TMEM117: variants seen among roughly 807,000 people sequenced by gnomAD.
The protein encoded by TMEM117 is transmembrane protein 117.
A neutral mutation model predicts 52.4 loss-of-function variants in TMEM117; 27 were observed. The observed-to-expected ratio is 0.51, with a 90% CI of 0.38 to 0.71. The LOEUF (loss-of-function observed/expected upper bound fraction) is 0.71, where lower values mean the gene tolerates loss of function less well. Ranked by LOEUF, TMEM117 falls within the 30% of genes least tolerant of loss-of-function variation. The probability of loss-of-function intolerance (pLI) is 0.00; values close to 1 mark genes in which losing one functional copy is unlikely to be tolerated. For missense variants in TMEM117, 556 were observed against 630.5 expected, an observed-to-expected ratio of 0.88 and a Z score of 1.26; for synonymous variants, 215 against 206.3, an observed-to-expected ratio of 1.04 and a Z score of -0.36.
chr12:44,288,655 A>T (rs1056648045), intron 5 of TMEM117, among the ~76,000 whole-genome samples: 1 of 152,184 alleles, frequency 6.6e-6, no homozygotes, highest in Non-Finnish European at 1.5e-5. Flanking sequence ...AAAAGTTTTA[A>T]TTACTAATTT....
chr12:43,801,759 G>A, the TMEM117 span, among the ~76,000 whole-genome samples: 1 of 152,218 alleles, frequency 6.6e-6, no homozygotes, highest in Non-Finnish European at 1.5e-5. Flanking sequence ...GTTGGACACA[G>A]TGGCTCATAC....
chr12:44,086,819 A>G (rs2138030016), intron 3 of TMEM117, among the ~76,000 whole-genome samples: 1 of 152,066 alleles, frequency 6.6e-6, no homozygotes, highest in Middle Eastern at 3.4e-3. Context: ...AACAATACTT[A>G]TGGCTTATAT....
intron 4 of TMEM117, among the ~76,000 whole-genome samples, chr12:44,201,883 T>C (rs564403443): frequency 2.0e-5 from 3 of 152,246 alleles, no homozygotes; most frequent in East Asian, 3.9e-4. Flanking sequence ...ACATAAAAAT[T>C]AAATATAGTG....
chr12:43,909,763 C>T lies in TMEM117; in HGVS notation c.278-34447C>T, dbSNP rs1393949421. On this transcript the variant is annotated intron_variant, in intron 2 of 7. Transcript: ENST00000266534. ...ATCTAGAAGAAATGGATAAATTCCT[C>T]GACACATACACTCTCCCAAGACTAA... Among the ~76,000 whole-genome samples, 6 of 145,820 alleles carry T rather than the reference C, an allele frequency of 4.1e-5. No individual in the cohort carries two copies. In the South Asian group the frequency reaches 6.9e-4, roughly 17 times the overall value.
intron 5 of TMEM117, among the ~76,000 whole-genome samples, chr12:44,264,685 CA>C (rs575334856): frequency 2.6e-5 from 4 of 151,948 alleles, no homozygotes; most frequent in Non-Finnish European, 5.9e-5. Flanking sequence ...TCTGAAAAAA[CA>C]GATGCTTTTT....
At chr12:44,216,244 G>C (rs574398606) in intron 5 of TMEM117, among the ~76,000 whole-genome samples, 2 of 151,878 alleles carry the variant, frequency 1.3e-5, no homozygotes, top group Non-Finnish European at 2.9e-5. Context: ...CTGACCTCGC[G>C]ATCTGCCCGC....
At chr12:43,922,279 TGG>T (rs1944707954) in intron 2 of TMEM117, among the ~76,000 whole-genome samples, 5 of 152,114 alleles carry the variant, frequency 3.3e-5, no homozygotes, top group African/African-American at 1.2e-4. Flanking sequence ...CATTAGAAAT[TGG>T]AGCAGTAATT....
intron 3 of TMEM117, among the ~76,000 whole-genome samples, chr12:44,003,168 C>T (rs187474269): frequency 6.6e-6 from 1 of 152,238 alleles, no homozygotes; most frequent in Non-Finnish European, 1.5e-5. Flanking sequence ...ATGGAAGTGG[C>T]AAAGTGGCAG....
At chr12:43,939,220 G>T (rs1945005124) in intron 2 of TMEM117, among the ~76,000 whole-genome samples, 1 of 152,056 alleles carries the variant, frequency 6.6e-6, no homozygotes. Flanking sequence ...TTAAGTAGCT[G>T]CAGATTCTAT....
chr12:43,813,343 A>G, the TMEM117 span, among the ~76,000 whole-genome samples: 6 of 143,804 alleles, frequency 4.2e-5, no homozygotes, highest in East Asian at 1.2e-3. Context: ...TCCCCAGTTC[A>G]AGCGATTCTC....
chr12:43,914,135 C>T (rs1944560852), intron 2 of TMEM117, among the ~76,000 whole-genome samples: 2 of 152,100 alleles, frequency 1.3e-5, no homozygotes, highest in Admixed American at 1.3e-4. Context: ...ATGCTATAAC[C>T]CCATGTATAC....
chr12:44,148,468 T>A (rs1265191083), intron 4 of TMEM117, among the ~76,000 whole-genome samples: 1 of 152,208 alleles, frequency 6.6e-6, no homozygotes, highest in East Asian at 1.9e-4. Context: ...AAAAAAGGTA[T>A]TTTTTAGAAA....
chr12:44,249,209 C>T (rs995477810), intron 5 of TMEM117, among the ~76,000 whole-genome samples: 6 of 151,508 alleles, frequency 4.0e-5, no homozygotes, highest in Non-Finnish European at 8.8e-5. Context: ...TGTGTGTTTC[C>T]AGGGGTTTGT....
At chr12:43,808,812 G>GAAAA in the TMEM117 span, among the ~76,000 whole-genome samples, 5 of 80,778 alleles carry the variant, frequency 6.2e-5, no homozygotes, top group African/African-American at 9.0e-5. Context: ...TCAAAGGGGA[G>GAAAA]AAAAAAAAAA....
At chr12:43,998,918 A>G (rs1431482692) in intron 3 of TMEM117, among the ~76,000 whole-genome samples, 3 of 152,222 alleles carry the variant, frequency 2.0e-5, no homozygotes, top group African/African-American at 7.2e-5. Flanking sequence ...ACAAGAGAAT[A>G]TTCAAATACC....
At chr12:43,831,909 C>A (rs1485960991), upstream of TMEM117, among the ~76,000 whole-genome samples, 1 of 152,132 alleles carries the variant, frequency 6.6e-6, no homozygotes, top group Non-Finnish European at 1.5e-5. Context: ...AAACAACACA[C>A]ATTTTAAGCC....
chr12:44,148,718 T>A (rs567891985), intron 4 of TMEM117, among the ~76,000 whole-genome samples: 3 of 151,926 alleles, frequency 2.0e-5, no homozygotes, highest in Non-Finnish European at 4.4e-5. Context: ...TTGAGGGGAG[T>A]TACAATGTCA....
At chr12:44,106,052 C>T (rs968833659) in intron 3 of TMEM117, among the ~76,000 whole-genome samples, 1 of 151,974 alleles carries the variant, frequency 6.6e-6, no homozygotes, top group Non-Finnish European at 1.5e-5. Flanking sequence ...GTTTTTCTGT[C>T]CTGGCACTGG....
At chr12:44,243,137 T>C in intron 5 of TMEM117, among the ~76,000 whole-genome samples, 1 of 152,018 alleles carries the variant, frequency 6.6e-6, no homozygotes, top group Admixed American at 6.6e-5. Flanking sequence ...TTAAGTTCCT[T>C]ATAGATGCTA....
Sources: gnomAD v4.1 joint callset for allele counts (sites outside exome capture counted in the v4.1 genomes callset) on GRCh38, gnomAD v4.1.1 for gene constraint, MANE v1.5 for transcripts, NCBI Gene and HGNC (gene_info 2026-07-23, HGNC 2026-07-21) for gene names.